ICA1L: variants seen among roughly 807,000 people sequenced by gnomAD.
The protein encoded by ICA1L is islet cell autoantigen 1 like, also known as islet cell autoantigen 1-like protein.
A neutral mutation model predicts 61.3 loss-of-function variants in ICA1L; 50 were observed. The observed-to-expected ratio is 0.82, with a 90% CI of 0.65 to 1.03. The LOEUF is 1.03. ICA1L is among the 50% of genes least tolerant of loss of function. The pLI is 0.00. For synonymous variants in ICA1L, 161 were observed against 191.3 expected (o/e 0.84, Z 1.31); for missense variants, 508 against 556.7 (o/e 0.91, Z 0.88).
At position 202,819,858 on chromosome 2, in the gene ICA1L, A is replaced by C; in HGVS notation, c.401T>G (p.Val134Gly). The C allele has an allele frequency of 6.2e-7, 1 of 1,614,138 alleles. No individual in the cohort carries two copies. Among genetic ancestry groups the C allele is most frequent in the Non-Finnish European group, 8.5e-7 (1 of 1,180,010 alleles). ...TACTGCCCTTTGACTGAATGTTGCT[A>C]CTTCTTGCTTCAGACGAGACAGAGG... ...CTPLSRLKQE[V>G]ATFSQRAVSD... The change falls in exon 5 of 13, where the codon GTA becomes GGA. Residue 134 changes from valine (V) to glycine (G), a missense_variant. By Grantham distance (109) the Val-to-Gly change is moderately radical. Coordinates refer to ENST00000358299, the MANE Select transcript of ICA1L (RefSeq NM_001288622.3).
At chr2:202,824,124 G>A (rs1693769806) in intron 3 of ICA1L, among the ~76,000 whole-genome samples, 1 of 152,090 alleles carries the variant, frequency 6.6e-6, no homozygotes, top group African/African-American at 2.4e-5. Context: ...CTGTCCTGGC[G>A]AGGTGCAGTG....
In ICA1L at chr2:202,787,461, A is replaced by T. The variant is rs146724093; in HGVS notation, c.1243+1369T>A. On this transcript the variant is annotated intron_variant, in intron 11 of 12. Transcript: ENST00000358299. Reference sequence around the variant, plus strand: ...CACACAAGAATAAATATTTTTAAAGATGTTACTGTAGCAAAAACATCTGAA... The same window carrying T: ...CACACAAGAATAAATATTTTTAAAGTTGTTACTGTAGCAAAAACATCTGAA... Among the ~76,000 whole-genome samples, 169 of 152,348 alleles carry T rather than the reference A, an allele frequency of 1.1e-3. 5 individuals carry two copies. In the East Asian group the frequency reaches 0.032, roughly 28 times the overall value.
rs1218631232 is a variant in ICA1L at position 202,779,470 on chromosome 2, C to A, written c.*63G>T. 2.0e-6 allele frequency: 2 copies of A among 986,566 alleles called. No homozygotes were observed. Among genetic ancestry groups the A allele is most frequent in the Non-Finnish European group, 3.1e-6 (2 of 638,582 alleles). The allele number at this position is 986,566 out of a possible 1,614,324, so 61.1% of individuals were successfully genotyped here. ...TGCGGGTTACAATCTAAATCCTTTC[C>A]ACGAAGGAAATACGTTGCAAAATTG... On this transcript the variant is annotated 3_prime_UTR_variant, in exon 13 of 13. Coordinates refer to ENST00000358299, the MANE Select transcript of ICA1L (RefSeq NM_001288622.3).
intron 9 of ICA1L, among the ~76,000 whole-genome samples, chr2:202,804,966 T>C (rs995707877): frequency 3.3e-5 from 5 of 152,194 alleles, no homozygotes; most frequent in Admixed American, 2.6e-4. Flanking sequence ...ATAACTGAAA[T>C]TGAATGATAA....
intron 3 of ICA1L, among the ~76,000 whole-genome samples, chr2:202,822,371 C>T (rs1373450455): frequency 6.6e-6 from 1 of 152,126 alleles, no homozygotes; most frequent in Non-Finnish European, 1.5e-5. Flanking sequence ...ACTATGTTGA[C>T]CACGCTGGTC....
intron 1 of ICA1L, among the ~76,000 whole-genome samples, chr2:202,858,656 TA>T (rs1330741224): frequency 2.0e-5 from 3 of 152,102 alleles, no homozygotes; most frequent in Non-Finnish European, 4.4e-5. Flanking sequence ...GAAACCTGTT[TA>T]AAAAAAGATT....
intron 1 of ICA1L, among the ~76,000 whole-genome samples, chr2:202,850,379 T>G (rs1272968139): frequency 6.6e-6 from 1 of 152,116 alleles, no homozygotes; most frequent in Non-Finnish European, 1.5e-5. Context: ...GCAAGGAAGC[T>G]AAGAACCTTG....
intron 10 of ICA1L, among the ~76,000 whole-genome samples, chr2:202,795,371 A>G (rs367571168): frequency 1.3e-5 from 2 of 152,196 alleles, no homozygotes; most frequent in Admixed American, 1.3e-4. Flanking sequence ...AGAGGCAGGC[A>G]GATCACCTGA....
chr2:202,801,576 A>G (rs902527120), intron 9 of ICA1L, among the ~76,000 whole-genome samples: 5 of 152,248 alleles, frequency 3.3e-5, no homozygotes, highest in African/African-American at 1.2e-4. Flanking sequence ...TGCTAAATCT[A>G]TAAAATACAC....
At position 202,826,278 on chromosome 2, in the gene ICA1L, TATTA is replaced by T. The variant is rs904987986; in HGVS notation, c.163-515_163-512del. Among the ~76,000 whole-genome samples, 52 of 152,300 alleles carry T rather than the reference TATTA, an allele frequency of 3.4e-4. 1 individual carries two copies. The highest frequency in any genetic ancestry group is 1.1e-3 in the African/African-American group (47 of 41,572). ...TTCTTTTTTTAGAATTTTCTATAGA[TATTA>T]ATTCTTTCATTACTACTGCTGCTAA... is the stretch of plus-strand genomic sequence containing the variant. On this transcript the variant is annotated intron_variant, in intron 2 of 12. Coordinates refer to ENST00000358299, the MANE Select transcript of ICA1L (RefSeq NM_001288622.3).
chr2:202,811,965 A>G (rs1341975034), intron 8 of ICA1L, among the ~76,000 whole-genome samples, 176 bp from the exon 9 acceptor site: 2 of 152,176 alleles, frequency 1.3e-5, no homozygotes, highest in South Asian at 2.1e-4. Context: ...TTATAGATCT[A>G]TACAGACCTT....
intron 1 of ICA1L, chr2:202,870,748 A>G (rs1436960291): frequency 2.0e-5 from 3 of 152,264 alleles, no homozygotes; most frequent in Admixed American, 1.3e-4. Flanking sequence ...TCTATTTTAC[A>G]GAGACCCATA....
In ICA1L at chr2:202,811,238, T is replaced by C. The variant is rs527791130; in HGVS notation, c.910+508A>G. On this transcript the variant is annotated intron_variant, in intron 9 of 12. Coordinates refer to ENST00000358299, the MANE Select transcript of ICA1L (RefSeq NM_001288622.3). ...TTTAAAATTTCTCTCTTTTGTACTC[T>C]GTCCCTTTATTTCTCAGACCAGCCG... is the stretch of plus-strand genomic sequence containing the variant. 5.9e-5 allele frequency among the ~76,000 whole-genome samples: 9 copies of C among 152,318 alleles called. No individual in the cohort carries two copies. In the East Asian group the frequency reaches 1.7e-3, roughly 29 times the overall value.
chr2:202,802,420 T>A (rs1037735499), intron 9 of ICA1L, among the ~76,000 whole-genome samples: 1 of 152,116 alleles, frequency 6.6e-6, no homozygotes, highest in African/African-American at 2.4e-5. Flanking sequence ...AGTTGAGTCA[T>A]GCATATTTTA....
intron 7 of ICA1L, among the ~76,000 whole-genome samples, 185 bp downstream of exon 7, chr2:202,815,726 A>G (rs1352281876): frequency 2.0e-5 from 3 of 150,668 alleles, no homozygotes; most frequent in Non-Finnish European, 4.4e-5. Context: ...CAGTATTCCT[A>G]TGTTATTTCA....
intron 9 of ICA1L, among the ~76,000 whole-genome samples, chr2:202,802,033 A>AC (rs757565207): frequency 1.3e-5 from 2 of 152,252 alleles, no homozygotes; most frequent in East Asian, 3.9e-4. Flanking sequence ...ATAGATTTAG[A>AC]CCCCCCAAGG....
At position 202,776,022 on chromosome 2, in the gene ICA1L, G is replaced by A. The variant is rs969666781; in HGVS notation, c.*3511C>T. On this transcript the variant is annotated 3_prime_UTR_variant, in exon 13 of 13. Transcript: ENST00000358299. ...TAAAAGAGGCTCAGAAAAATAGATA[G>A]AGCACATGTAAACTTCCTTCGTTCT... 2.6e-5 allele frequency: 4 copies of A among 152,090 alleles called. No individual in the cohort carries two copies. The highest frequency in any genetic ancestry group is 2.9e-5 in the Non-Finnish European group (2 of 68,040). 9.4% of individuals were successfully genotyped at this position (152,090 alleles called of 1,614,324 possible). A position where few individuals can be genotyped will look rare whatever the true frequency, so the allele number is the denominator to read the frequency against.
chr2:202,868,967 C>T (rs1410199221), intron 1 of ICA1L, among the ~76,000 whole-genome samples: 1 of 151,368 alleles, frequency 6.6e-6, no homozygotes, highest in Non-Finnish European at 1.5e-5. Context: ...GACTCTGTCT[C>T]AAAACAACAA....
chr2:202,793,354 G>C (rs1692813966), intron 10 of ICA1L, among the ~76,000 whole-genome samples: 2 of 151,714 alleles, frequency 1.3e-5, no homozygotes, highest in African/African-American at 4.8e-5. Context: ...TGTTTTCATA[G>C]GTTAAGAAAT....
Sources: allele counts gnomAD v4.1 joint callset (sites outside exome capture counted in the v4.1 genomes callset), GRCh38; gene constraint gnomAD v4.1.1; transcripts MANE v1.5; gene names NCBI Gene and HGNC (gene_info 2026-07-23, HGNC 2026-07-21).